FBXO34: variants seen among roughly 807,000 people sequenced by gnomAD.
FBXO34 encodes the protein F-box only protein 34.
In FBXO34, 12 loss-of-function variants were observed where a neutral mutation model predicts 24.5. The observed-to-expected ratio is 0.49, with a 90% CI of 0.31 to 0.79. The LOEUF is 0.79. Among genes scored for constraint, FBXO34 ranks in the 30% least tolerant of loss-of-function variants. FBXO34 has a pLI of 0.04. For missense variants in FBXO34, 823 were observed against 857.7 expected (o/e 0.96, Z 0.51); for synonymous variants, 320 against 311.9 (o/e 1.03, Z -0.27).
downstream of FBXO34, among the ~76,000 whole-genome samples, chr14:55,372,554 TCTCC>T (rs1566576858): frequency 6.6e-6 from 1 of 150,856 alleles, no homozygotes; most frequent in Non-Finnish European, 1.5e-5. Context: ...TCTTTCCCTT[TCTCC>T]CTCCCTCCCT....
At chr14:55,340,510 G>A (rs893911032) in intron 1 of FBXO34, among the ~76,000 whole-genome samples, 2 of 151,714 alleles carry the variant, frequency 1.3e-5, no homozygotes, top group African/African-American at 4.8e-5. Flanking sequence ...GTATCCCAAA[G>A]TGCTGGGATT....
At chr14:55,401,335 T>C in the FBXO34 span, among the ~76,000 whole-genome samples, 1 of 152,168 alleles carries the variant, frequency 6.6e-6, no homozygotes, top group African/African-American at 2.4e-5. Flanking sequence ...TTATTTTTTC[T>C]ATTTTCATGT....
chr14:55,318,777 G>A (rs541888589), intron 1 of FBXO34, among the ~76,000 whole-genome samples: 1 of 152,216 alleles, frequency 6.6e-6, no homozygotes, highest in Non-Finnish European at 1.5e-5. Flanking sequence ...GTATTCCATT[G>A]TCTCTAATTC....
intron 1 of FBXO34, chr14:55,318,286 A>C (rs77672797): frequency 7.6e-6 from 1 of 131,626 alleles, no homozygotes; most frequent in Non-Finnish European, 1.7e-5. Flanking sequence ...AACTTAAACA[A>C]TTTAAGTTCT....
chr14:55,426,545 C>T, the FBXO34 span, among the ~76,000 whole-genome samples: 1 of 151,982 alleles, frequency 6.6e-6, no homozygotes, highest in East Asian at 1.9e-4. Flanking sequence ...GTTAAAAATT[C>T]AAATCTTCTA....
chr14:55,311,060 C>T (rs965474204), intron 1 of FBXO34, among the ~76,000 whole-genome samples: 1 of 152,248 alleles, frequency 6.6e-6, no homozygotes, highest in East Asian at 1.9e-4. Context: ...TTAGTCCACA[C>T]TGCTGCAAAA....
the FBXO34 span, chr14:55,380,471 A>T: frequency 1.3e-6 from 1 of 748,790 alleles, no homozygotes; most frequent in East Asian, 2.6e-5. Flanking sequence ...CTGTCTTGGT[A>T]ATACTTACAT....
chr14:55,394,108 G>A, the FBXO34 span, among the ~76,000 whole-genome samples: 1 of 151,204 alleles, frequency 6.6e-6, no homozygotes, highest in African/African-American at 2.4e-5. Flanking sequence ...CTGGGTTCAA[G>A]TGATTCTCCT....
the FBXO34 span, among the ~76,000 whole-genome samples, chr14:55,379,029 C>T: frequency 7.2e-5 from 11 of 152,102 alleles, no homozygotes; most frequent in East Asian, 1.9e-4. Flanking sequence ...CCTGTTTTAA[C>T]GTTCTCCACA....
At chr14:55,340,549 C>G (rs906523136) in intron 1 of FBXO34, among the ~76,000 whole-genome samples, 4 of 150,586 alleles carry the variant, frequency 2.7e-5, no homozygotes, top group African/African-American at 7.5e-5. Flanking sequence ...GCCTGGCTGG[C>G]TCGTAATTTT....
intron 1 of FBXO34, among the ~76,000 whole-genome samples, chr14:55,344,833 T>G (rs1394463595): frequency 6.6e-6 from 1 of 152,170 alleles, no homozygotes; most frequent in Non-Finnish European, 1.5e-5. Flanking sequence ...TTTCTGTTCC[T>G]GTGTTAGTTT....
intron 1 of FBXO34, among the ~76,000 whole-genome samples, chr14:55,301,600 G>T (rs1052174472): frequency 1.2e-4 from 19 of 152,314 alleles, no homozygotes; most frequent in African/African-American, 4.3e-4. Flanking sequence ...GGTCTTGAGT[G>T]AGAAAGTATC....
downstream of FBXO34, chr14:55,354,518 T>A (rs1330056716): frequency 6.6e-6 from 1 of 152,314 alleles, no homozygotes. Flanking sequence ...ACTCTTGATC[T>A]GGTTTTCATG....
chr14:55,294,734 T>C (rs913871371), intron 1 of FBXO34, among the ~76,000 whole-genome samples: 1 of 152,236 alleles, frequency 6.6e-6, no homozygotes, highest in South Asian at 2.1e-4. Flanking sequence ...ACAGCTGTGC[T>C]AAGTTTAAGA....
chr14:55,424,230 C>T, the FBXO34 span: 7 of 1,612,608 alleles, frequency 4.3e-6, no homozygotes, highest in African/African-American at 8.0e-5. Context: ...ATAAATAAGA[C>T]CAGGAAACAG....
At chr14:55,416,565 A>G in the FBXO34 span, among the ~76,000 whole-genome samples, 1 of 152,246 alleles carries the variant, frequency 6.6e-6, no homozygotes, top group Non-Finnish European at 1.5e-5. Context: ...ACTGACACAC[A>G]TAAGAGAAAC....
At position 55,284,788 on chromosome 14, in the gene FBXO34, G is replaced by GT. The variant is rs1411963624; in HGVS notation, c.-11+13252dup. Among the ~76,000 whole-genome samples the GT allele has an allele frequency of 2.2e-4, 33 of 149,372 alleles. 2 individuals are homozygous for GT. Among genetic ancestry groups the GT allele is most frequent in the African/African-American group, 8.0e-4 (33 of 41,182 alleles). ...GTGCCACCACGTCCAGCTGATTTTT[G>GT]TATCTTTTGTAGAGATAGGGTTTCA... On this transcript the variant is annotated intron_variant, in intron 1 of 1. Transcript: ENST00000313833.
At chr14:55,365,062 A>T (rs1347384524), downstream of FBXO34, among the ~76,000 whole-genome samples, 1 of 62,288 alleles carries the variant, frequency 1.6e-5, no homozygotes, top group South Asian at 5.7e-4. Flanking sequence ...CTACTTTAAA[A>T]AAAAAAAAAA....
At chr14:55,377,837 C>A in the FBXO34 span, 1 of 1,595,254 alleles carries the variant, frequency 6.3e-7, no homozygotes, top group Admixed American at 1.8e-5. Flanking sequence ...GTGTTCAGAG[C>A]TTGGACTGAC....
Sources: gnomAD v4.1 joint callset for allele counts (sites outside exome capture counted in the v4.1 genomes callset) on GRCh38, gnomAD v4.1.1 for gene constraint, MANE v1.5 for transcripts, NCBI Gene and HGNC (gene_info 2026-07-23, HGNC 2026-07-21) for gene names.